The following NBEAL2 variants were observed in gnomAD, a reference collection of about 807,000 sequenced individuals.
The protein encoded by NBEAL2 is neurobeachin like 2.
A neutral mutation model predicts 299.8 loss-of-function variants in NBEAL2; 160 were observed. That is an observed-to-expected ratio of 0.53 (90% CI 0.47 to 0.61). The LOEUF is 0.61. NBEAL2 is among the 20% of genes least tolerant of loss of function. The pLI is 0.00. For missense variants in NBEAL2, 3,112 were observed against 3,649.0 expected (o/e 0.85, Z 3.79); for synonymous variants, 1,493 against 1,542.3 (o/e 0.97, Z 0.75).
In NBEAL2 at chr3:46,998,867, C is replaced by T. The variant is rs370549129; in HGVS notation, c.3372C>T (p.Gly1124=). ...QTMLSFLAAT[G]DDGQAVGALD... Reference sequence around the variant, plus strand: ...TGCTGAGCTTTTTGGCGGCCACAGGCGATGACGGTCAGGTAGGCTGGAGGT... The same window carrying T: ...TGCTGAGCTTTTTGGCGGCCACAGGTGATGACGGTCAGGTAGGCTGGAGGT... Residue 1124 remains glycine, a synonymous_variant, in exon 23 of 54, where the codon GGC becomes GGT. Coordinates refer to ENST00000450053, the MANE Select transcript of NBEAL2 (RefSeq NM_015175.3). 2.0e-4 allele frequency: 320 copies of T among 1,590,180 alleles called. No individual in the cohort carries two copies. Among genetic ancestry groups the T allele is most frequent in the Non-Finnish European group, 2.6e-4 (303 of 1,168,776 alleles).
In NBEAL2 at chr3:46,989,708, G is replaced by A. The variant is rs1365029731; in HGVS notation, c.556+115G>A. 1 of 954,540 alleles carries A rather than the reference G, an allele frequency of 1.0e-6. No homozygotes were observed. The highest frequency in any genetic ancestry group is 1.6e-6 in the Non-Finnish European group (1 of 610,570). 59.1% of individuals were successfully genotyped at this position (954,540 alleles called of 1,614,324 possible). On this transcript the variant is annotated intron_variant, in intron 6 of 53. Coordinates refer to ENST00000450053, the MANE Select transcript of NBEAL2 (RefSeq NM_015175.3). This position sits in a 1 kb window ranked among gnomAD's most constrained non-coding sequence, Gnocchi z 5.5. ...CTTGGTGGTGGCTGCATGCAGGACT[G>A]GGAGAACCAAAGACCAAGCAAGAGT...
rs578159137 is a variant in NBEAL2, at chr3:46,995,360, G to C, written c.1625G>C (p.Gly542Ala). 1 of 1,611,778 alleles carries C rather than the reference G, an allele frequency of 6.2e-7. No homozygotes were observed. The highest frequency in any genetic ancestry group is 1.7e-5 in the Admixed American group (1 of 59,796). The change falls in exon 13 of 54, where the codon GGA becomes GCA. Residue 542 changes from glycine (G) to alanine (A), a missense_variant. Physicochemically the swap from Gly to Ala is moderately conservative, Grantham distance 60 (BLOSUM62 0). Around this residue, in one of 3 missense-constraint regions of NBEAL2, gnomAD observed 2,243 missense variants for 2,538.1 expected, o/e 0.88. Transcript: ENST00000450053. ...ELRHLLRPRP[G>A]LDSEPGGAEA... is the part of the protein sequence containing the mutation. Reference sequence around the variant, plus strand: ...CGTCACCTGCTGCGCCCCCGGCCAGGATTGGACTCGGAACCAGGCGGAGCT... The same window carrying C: ...CGTCACCTGCTGCGCCCCCGGCCAGCATTGGACTCGGAACCAGGCGGAGCT...
rs372417027 is a variant in NBEAL2 at position 47,006,102 on chromosome 3, G to T, written c.6919+39G>T. ...TGGACTCCAGTCAGGGCCAGGACAA[G>T]ATCAGGTCGGGTGGATGCAGAGGGC... On this transcript the variant is annotated intron_variant, in intron 43 of 53. Transcript: ENST00000450053. 5.0e-6 allele frequency: 8 copies of T among 1,612,740 alleles called. No individual in the cohort carries two copies. The African/African-American group carries it at 1.1e-4, about 22-fold the overall frequency.
At position 46,995,594 on chromosome 3, in the gene NBEAL2, C is replaced by G; in HGVS notation, c.1859C>G (p.Pro620Arg). 1 of 1,612,376 alleles carries G rather than the reference C, an allele frequency of 6.2e-7. No individual in the cohort carries two copies. The highest frequency in any genetic ancestry group is 1.1e-5 in the South Asian group (1 of 91,076). Residue 620 changes from proline to arginine, a missense_variant, in exon 13 of 54, where the codon CCT (proline) becomes CGT (arginine). Transcript: ENST00000450053. ...CLHPMDTAPT[P>R]APTRPLQRKQ... ...CACCCTATGGATACAGCACCTACCC[C>G]TGCCCCCACCCGACCACTCCAGCGA...
rs1459640933 is a variant in NBEAL2, at chr3:47,001,912, G to A, written c.4783-8G>A. On this transcript the variant is annotated splice_region_variant and splice_polypyrimidine_tract_variant and intron_variant, in intron 30 of 53. Coordinates refer to ENST00000450053, the MANE Select transcript of NBEAL2 (RefSeq NM_015175.3). The surrounding 1 kb of genome is among the most constrained non-coding windows in gnomAD (Gnocchi z 6.1). ...GCTGGGTGCCACTCATCTCTCTTGC[G>A]CCCACAGCTGCATGCCCAGGCCTAC... is the stretch of plus-strand genomic sequence containing the variant. 5 of 1,604,740 alleles carry A rather than the reference G, an allele frequency of 3.1e-6. No homozygotes were observed. The highest frequency in any genetic ancestry group is 1.3e-5 in the African/African-American group (1 of 74,912).
chr3:46,993,952 A>G lies in NBEAL2; in HGVS notation c.1129A>G (p.Thr377Ala). ...PDVQKVLDQD[T>A]DAIAVHVVRV... is the part of the protein sequence containing the mutation. Reference sequence around the variant, plus strand: ...CCACCCCAAGGTCCTGGACCAAGACACAGACGCCATTGCAGTCCATGTAGT... The same window carrying G: ...CCACCCCAAGGTCCTGGACCAAGACGCAGACGCCATTGCAGTCCATGTAGT... The change falls in exon 11 of 54, where the codon ACA becomes GCA. Residue 377 changes from threonine to alanine, a missense_variant. By Grantham distance (58) the Thr-to-Ala change is moderately conservative. Around this residue, in one of 3 missense-constraint regions of NBEAL2, gnomAD observed 2,243 missense variants for 2,538.1 expected, o/e 0.88. Transcript: ENST00000450053. 6.2e-7 allele frequency: 1 copy of G among 1,611,264 alleles called. No homozygotes were observed. Among genetic ancestry groups the G allele is most frequent in the East Asian group, 2.2e-5 (1 of 44,816 alleles).
rs544615345 is a variant in NBEAL2, at chr3:47,001,297, G to A, written c.4503G>A (p.Leu1501=). The part of the protein sequence containing the change: ...CIKRSLLEMM[L]ESALTDIKEA... ...CCGCCAGCCTCCTGGAGATGATGCT[G>A]GAGTCAGCCCTGACCGACATCAAAG... The change falls in exon 29 of 54, where the codon CTG becomes CTA. Residue 1501 remains leucine, a synonymous_variant. Coordinates refer to ENST00000450053, the MANE Select transcript of NBEAL2 (RefSeq NM_015175.3). This position sits in a 1 kb window ranked among gnomAD's most constrained non-coding sequence, Gnocchi z 6.1. The A allele has an allele frequency of 1.2e-6, 2 of 1,608,098 alleles. No homozygotes were observed. The highest frequency in any genetic ancestry group is 1.1e-5 in the South Asian group (1 of 91,022).
At position 46,991,109 on chromosome 3, in the gene NBEAL2, G is replaced by A; in HGVS notation, c.557-110G>A. ...TCCCTCACACTGGATCTTTTACTTGGCCCAGCTCCCTCTCCCCTCCACCCC... is the reference window on the plus strand; with the variant it reads ...TCCCTCACACTGGATCTTTTACTTGACCCAGCTCCCTCTCCCCTCCACCCC... On this transcript the variant is annotated intron_variant, in intron 6 of 53. Transcript: ENST00000450053. This position sits in a 1 kb window ranked among gnomAD's most constrained non-coding sequence, Gnocchi z 6.2. The A allele has an allele frequency of 1.1e-6, 1 of 919,042 alleles. No homozygotes were observed. The highest frequency in any genetic ancestry group is 1.7e-6 in the Non-Finnish European group (1 of 581,408). 56.9% of individuals were successfully genotyped at this position (919,042 alleles called of 1,614,324 possible). A position where few individuals can be genotyped will look rare whatever the true frequency, so the allele number is the denominator to read the frequency against.
intron 20 of NBEAL2, 146 bp from the exon 21 acceptor site, chr3:46,997,921 C>A (rs1055040456): frequency 1.7e-6 from 2 of 1,208,482 alleles, no homozygotes. Context: ...GTGTCAGAGG[C>A]GGCAGGAAGC....
chr3:46,997,135 C>A, intron 18 of NBEAL2, 89 bp downstream of exon 18: 1 of 1,554,278 alleles, frequency 6.4e-7, no homozygotes, highest in Non-Finnish European at 8.8e-7. Context: ...AGCGCTGTGC[C>A]TGGGGAGGAT....
chr3:46,994,098 C>T (rs978084201), intron 11 of NBEAL2, 78 bp downstream of exon 11: 9 of 1,423,636 alleles, frequency 6.3e-6, no homozygotes, highest in Non-Finnish European at 8.7e-6. Context: ...CAGGCCTGGC[C>T]GGTGGCCATA....
Position 47,007,258 on chromosome 3 carries a change from T to C in NBEAL2, c.7242T>C (p.Ser2414=), listed in dbSNP as rs773176584. 3 of 1,612,454 alleles carry C rather than the reference T, an allele frequency of 1.9e-6. No homozygotes were observed. The Admixed American group carries it at 5.0e-5, about 27-fold the overall frequency. Residue 2414 remains serine, a synonymous_variant, in exon 47 of 54, where the codon AGT becomes AGC. Coordinates refer to ENST00000450053, the MANE Select transcript of NBEAL2 (RefSeq NM_015175.3). ...SPDLLVTVSA[S]GLLGTHSWLP... The stretch of plus-strand genomic sequence containing the variant: ...GCCTGCAGGTGACTGTGAGTGCCAG[T>C]GGGCTGCTGGGCACCCACAGCTGGT...
chr3:47,002,549 A>G, intron 32 of NBEAL2, 29 bp downstream of exon 32: 1 of 1,611,178 alleles, frequency 6.2e-7, no homozygotes, highest in South Asian at 1.1e-5. Context: ...GGGATGGGAA[A>G]CTGCTCCACA....
At position 47,003,051 on chromosome 3, in the gene NBEAL2, C is replaced by T. The variant is rs780948274; in HGVS notation, c.5554C>T (p.Leu1852=). 1 of 1,612,818 alleles carries T rather than the reference C, an allele frequency of 6.2e-7. No homozygotes were observed. Among genetic ancestry groups the T allele is most frequent in the African/African-American group, 1.3e-5 (1 of 75,010 alleles). The change falls in exon 34 of 54, where the codon CTG becomes TTG. Residue 1852 remains leucine, a synonymous_variant. Transcript: ENST00000450053. This position sits in a 1 kb window ranked among gnomAD's most constrained non-coding sequence, Gnocchi z 7.0. The part of the protein sequence containing the change: ...LVPNHHFDPH[L]EASALRDNLG... ...GCCCAACCATCACTTCGACCCTCAC[C>T]TGGAAGCCAGCGCTCTCCGAGACAA...
chr3:47,004,537 C>A lies in NBEAL2; in HGVS notation c.6241C>A (p.Gln2081Lys), dbSNP rs1479759655. The A allele has an allele frequency of 6.2e-7, 1 of 1,613,808 alleles. No homozygotes were observed. The highest frequency in any genetic ancestry group is 8.5e-7 in the Non-Finnish European group (1 of 1,179,844). Residue 2081 changes from glutamine (Q) to lysine (K), a missense_variant, in exon 38 of 54, where the codon CAA becomes AAA. Around this residue, in one of 3 missense-constraint regions of NBEAL2, gnomAD observed 521 missense variants for 729.6 expected, o/e 0.71. Transcript: ENST00000450053. This position sits in a 1 kb window ranked among gnomAD's most constrained non-coding sequence, Gnocchi z 5.0. ...REISNFEYLM[Q>K]LNTIAGRTYN... Reference sequence around the variant, plus strand: ...GATATCCAACTTCGAGTACTTGATGCAACTCAACACCATTGCGGGGCGGAC... The same window carrying A: ...GATATCCAACTTCGAGTACTTGATGAAACTCAACACCATTGCGGGGCGGAC...
Position 46,979,746 on chromosome 3 carries a change from C to G in NBEAL2, c.-116C>G, listed in dbSNP as rs1358605807. ...CGCAGACTTCCCCAGTAGTACCGCG[C>G]CGCTCCGCCCCGGAGTGACGCCCTC... On this transcript the variant is annotated 5_prime_UTR_variant, in exon 1 of 54. Transcript: ENST00000450053. 6.2e-6 allele frequency: 2 copies of G among 325,022 alleles called. No individual in the cohort carries two copies. Among genetic ancestry groups the G allele is most frequent in the Admixed American group, 5.0e-5 (1 of 20,066 alleles). The allele number at this position is 325,022 out of a possible 1,614,324, so 20.1% of individuals were successfully genotyped here.
At chr3:46,993,825 GCACATGC>G in intron 10 of NBEAL2, 105 bp from the exon 11 acceptor site, 1 of 918,042 alleles carries the variant, frequency 1.1e-6, no homozygotes, top group Non-Finnish European at 1.7e-6. Context: ...TGCTGATCCA[GCACATGC>G]CACATGCCTT....
chr3:46,997,218 T>A, intron 18 of NBEAL2, 41 bp from the exon 19 acceptor site: 1 of 1,609,326 alleles, frequency 6.2e-7, no homozygotes. Flanking sequence ...GGCAGGAAAC[T>A]GGCTGGAAGG....
rs772692347 is a variant in NBEAL2, at chr3:46,996,426, G to A, written c.2307G>A (p.Gly769=). Residue 769 remains glycine (G), a synonymous_variant, in exon 16 of 54, where the codon GGG becomes GGA. Transcript: ENST00000450053. ...SVPASTGLGW[G]SGLVAPLQEG... is the part of the protein sequence containing the mutation. ...CAGCCTCCACAGGGCTTGGCTGGGG[G>A]TCCGGGCTGGTGGCCCCCCTGCAGG... is the stretch of plus-strand genomic sequence containing the variant. The A allele has an allele frequency of 1.9e-6, 3 of 1,609,676 alleles. No individual in the cohort carries two copies. Among genetic ancestry groups the A allele is most frequent in the Non-Finnish European group, 2.5e-6 (3 of 1,178,188 alleles).
Sources: gnomAD v4.1 joint callset for allele counts on GRCh38, gnomAD v4.1.1 for gene constraint, gnomAD v4.1.1 regional missense constraint, Gnocchi (gnomAD v3.1) non-coding constraint, MANE v1.5 for transcripts, NCBI Gene and HGNC (gene_info 2026-07-23, HGNC 2026-07-21) for gene names.